KIAA2012: variants seen among roughly 807,000 people sequenced by gnomAD.
KIAA2012 encodes KIAA2012.
In KIAA2012, 125 loss-of-function variants were observed where a neutral mutation model predicts 150.6. That is an observed-to-expected ratio of 0.83 (90% CI 0.72 to 0.96). The LOEUF is 0.96. Among genes scored for constraint, KIAA2012 ranks in the 40% least tolerant of loss-of-function variants. The pLI is 0.00. For synonymous variants in KIAA2012, 462 were observed against 504.7 expected (o/e 0.92, Z 1.13); for missense variants, 1,219 against 1,354.9 (o/e 0.90, Z 1.57).
At chr2:202,171,453 C>T (rs1310600355) in intron 15 of KIAA2012, among the ~76,000 whole-genome samples, 1 of 152,000 alleles carries the variant, frequency 6.6e-6, no homozygotes. Flanking sequence ...GTCGGAGAGG[C>T]TTCTGCCTAG....
At chr2:202,154,158 T>C (rs1030851955) in intron 13 of KIAA2012, among the ~76,000 whole-genome samples, 2 of 152,254 alleles carry the variant, frequency 1.3e-5, no homozygotes, top group African/African-American at 4.8e-5. Context: ...TCCTAACATA[T>C]CAAATTCATT....
chr2:202,105,665 T>C (rs938475063), intron 8 of KIAA2012, 96 bp from the exon 9 acceptor site: 13 of 1,457,712 alleles, frequency 8.9e-6, no homozygotes, highest in South Asian at 1.4e-5. Context: ...CCAAACCACA[T>C]GGTGTGAGCA....
At chr2:202,138,239 T>C in intron 12 of KIAA2012, 193 bp from the exon 13 acceptor site, 1 of 510,994 alleles carries the variant, frequency 2.0e-6, no homozygotes, top group Admixed American at 3.5e-5. Context: ...ATGTTTAACA[T>C]GGTGTTTAGG....
intron 14 of KIAA2012, 122 bp from the exon 15 acceptor site, chr2:202,165,162 G>C (rs1293862272): frequency 1.1e-6 from 1 of 869,642 alleles, no homozygotes; most frequent in African/African-American, 1.7e-5. Flanking sequence ...TGACGAAGAA[G>C]GAGAAGAAAC....
chr2:202,182,552 T>C (rs1450304288), intron 15 of KIAA2012, among the ~76,000 whole-genome samples: 1 of 152,238 alleles, frequency 6.6e-6, no homozygotes, highest in Non-Finnish European at 1.5e-5. Flanking sequence ...AGTTTATCTG[T>C]TTATCTGTTG....
At chr2:202,099,245 C>T (rs1034905774) in intron 5 of KIAA2012, among the ~76,000 whole-genome samples, 1 of 152,132 alleles carries the variant, frequency 6.6e-6, no homozygotes, top group African/African-American at 2.4e-5. Context: ...CTGCCTCGGC[C>T]TCCCAAAGTG....
At position 202,190,356 on chromosome 2, in the gene KIAA2012, G is replaced by A. The variant is rs1336354071; in HGVS notation, c.2674G>A (p.Asp892Asn). 2.6e-5 allele frequency: 41 copies of A among 1,550,600 alleles called. No homozygotes were observed. The highest frequency in any genetic ancestry group is 3.4e-5 in the Non-Finnish European group (39 of 1,146,988). The change falls in exon 19 of 24, where the codon GAC becomes AAC. Residue 892 changes from aspartate (D) to asparagine (N), a missense_variant. Coordinates refer to ENST00000498697, the MANE Select transcript of KIAA2012 (RefSeq NM_001277372.4). ...GSFASDSFVE[D>N]PWLSPKYDAQ... ...CTTTGCCTCAGACTCCTTTGTAGAGGACCCTTGGCTTTCTCCCAAATATGA... is the reference window on the plus strand; with the variant it reads ...CTTTGCCTCAGACTCCTTTGTAGAGAACCCTTGGCTTTCTCCCAAATATGA...
intron 15 of KIAA2012, among the ~76,000 whole-genome samples, chr2:202,173,213 A>T (rs1228581180): frequency 6.6e-6 from 1 of 152,200 alleles, no homozygotes; most frequent in African/African-American, 2.4e-5. Context: ...CATTTCTAAC[A>T]AGAGACCTAA....
chr2:202,186,087 A>T (rs1692221362), intron 16 of KIAA2012, among the ~76,000 whole-genome samples: 1 of 152,216 alleles, frequency 6.6e-6, no homozygotes, highest in Non-Finnish European at 1.5e-5. Flanking sequence ...GCTGCTTTTC[A>T]GTGCCCTTTC....
At chr2:202,147,025 C>A (rs568477759) in intron 13 of KIAA2012, among the ~76,000 whole-genome samples, 57 of 152,282 alleles carry the variant, frequency 3.7e-4, no homozygotes, top group Non-Finnish European at 6.0e-4. Context: ...TCCCCTGTCC[C>A]TTTCCTTGAA....
intron 22 of KIAA2012, chr2:202,201,370 C>T: frequency 1.3e-6 from 2 of 1,584,338 alleles, no homozygotes; most frequent in South Asian, 2.2e-5. Context: ...ACAAAGGTGG[C>T]CTTGGTTCCT....
intron 10 of KIAA2012, among the ~76,000 whole-genome samples, chr2:202,111,340 C>CAAAAAAAAAA (rs67625607): frequency 9.6e-5 from 8 of 83,712 alleles, no homozygotes; most frequent in Non-Finnish European, 1.3e-4. Context: ...ACTAAAAATA[C>CAAAAAAAAAA]AAAAAAAAAA....
intron 15 of KIAA2012, among the ~76,000 whole-genome samples, chr2:202,183,513 A>AGTGCAGTGGTGCTCCACTGGT (rs1289015175): frequency 1.8e-5 from 2 of 113,828 alleles, no homozygotes; most frequent in Non-Finnish European, 3.3e-5. Flanking sequence ...GTCTCACTGG[A>AGTGCAGTGGTGCTCCACTGGT]GTGCAGTGGT....
At chr2:202,153,242 A>G (rs1169950125) in intron 13 of KIAA2012, among the ~76,000 whole-genome samples, 2 of 152,198 alleles carry the variant, frequency 1.3e-5, no homozygotes, top group East Asian at 3.8e-4. Context: ...TCCTGCCTTC[A>G]GGGGGCTTCC....
intron 23 of KIAA2012, 63 bp from the exon 24 acceptor site, chr2:202,204,935 G>T (rs1692614823): frequency 6.6e-6 from 1 of 152,198 alleles, no homozygotes; most frequent in Non-Finnish European, 1.5e-5. Flanking sequence ...ACAAACACTT[G>T]AGGATAACAT....
intron 22 of KIAA2012, chr2:202,201,907 G>T: frequency 4.2e-6 from 4 of 945,902 alleles, no homozygotes; most frequent in South Asian, 4.0e-5. Flanking sequence ...GGTCCGGTTC[G>T]TCTCGGCATC....
At chr2:202,093,655 C>A (rs1331422483) in intron 4 of KIAA2012, among the ~76,000 whole-genome samples, 1 of 152,100 alleles carries the variant, frequency 6.6e-6, no homozygotes, top group Non-Finnish European at 1.5e-5. Context: ...AAATGTGTAT[C>A]GAAATGGCTG....
rs774543112 is a variant in KIAA2012 at position 202,194,317 on chromosome 2, C to T, written c.3142C>T (p.Arg1048Ter). The T allele has an allele frequency of 2.8e-4, 438 of 1,550,188 alleles. 2 individuals are homozygous for T. The highest frequency in any genetic ancestry group is 3.2e-4 in the Non-Finnish European group (372 of 1,146,978). ...QQQEEFRRKLRELQRKKQQEE... is the reference protein window; with the variant it reads ...QQQEEFRRKL ...GCAAGAGGAGTTTCGGAGGAAACTG[C>T]GAGAACTACAGAGAAAAAAGCAGCA... The change falls in exon 21 of 24, where the codon CGA (arginine) becomes TGA (stop). Residue 1048 changes from arginine to a stop codon, truncating the protein, a stop_gained. Coordinates refer to ENST00000498697, the MANE Select transcript of KIAA2012 (RefSeq NM_001277372.4). LOFTEE classifies it high-confidence loss of function.
intron 14 of KIAA2012, among the ~76,000 whole-genome samples, chr2:202,163,996 G>A (rs1691709234): frequency 1.3e-5 from 2 of 152,108 alleles, no homozygotes; most frequent in African/African-American, 2.4e-5. Flanking sequence ...ATTAAAGAGA[G>A]TGCCAAAATA....
Sources: allele counts gnomAD v4.1 joint callset (sites outside exome capture counted in the v4.1 genomes callset), GRCh38; gene constraint gnomAD v4.1.1; transcripts MANE v1.5; gene names NCBI Gene and HGNC (gene_info 2026-07-23, HGNC 2026-07-21).